Variants in TAB2 observed in about 807,000 individuals in gnomAD.
TAB2 encodes the protein TGF-beta-activated kinase 1 and MAP3K7-binding protein 2.
In TAB2, 3 loss-of-function variants were observed where a neutral mutation model predicts 65.0. The observed-to-expected ratio is 0.05, with a 90% confidence interval of 0.02 to 0.12. The LOEUF is 0.12. Ranked by LOEUF, TAB2 falls within the 10% of genes least tolerant of loss-of-function variation. The probability of loss-of-function intolerance (pLI) is 1.00; values close to 1 mark genes in which losing one functional copy is unlikely to be tolerated. For missense variants in TAB2, 623 were observed against 840.3 expected, an observed-to-expected ratio of 0.74 and a Z score of 3.20; for synonymous variants, 298 against 285.1, an observed-to-expected ratio of 1.05 and a Z score of -0.46.
chr6:149,363,346 G>C (rs1170018246), intron 1 of TAB2, among the ~76,000 whole-genome samples: 1 of 152,094 alleles, frequency 6.6e-6, no homozygotes, highest in Admixed American at 6.5e-5. Flanking sequence ...ACAATAGGTA[G>C]GAATGTGGAG....
intron 1 of TAB2, among the ~76,000 whole-genome samples, chr6:149,334,011 C>A (rs140553935): frequency 6.6e-6 from 1 of 152,224 alleles, no homozygotes; most frequent in Non-Finnish European, 1.5e-5. Context: ...TGAGTTTATG[C>A]ATTATAAGTC....
At chr6:149,340,418 C>G (rs990706032) in intron 1 of TAB2, among the ~76,000 whole-genome samples, 3 of 152,244 alleles carry the variant, frequency 2.0e-5, no homozygotes, top group East Asian at 3.9e-4. Flanking sequence ...GCTACAGATA[C>G]ATTTCTGGTT....
chr6:149,385,983 G>A (rs1781795107), intron 3 of TAB2, among the ~76,000 whole-genome samples: 1 of 152,126 alleles, frequency 6.6e-6, no homozygotes, highest in South Asian at 2.1e-4. Context: ...TCTATTAGCA[G>A]TTACTTATCC....
intron 1 of TAB2, among the ~76,000 whole-genome samples, chr6:149,235,353 G>T (rs1583036941): frequency 6.6e-6 from 1 of 152,216 alleles, no homozygotes; most frequent in East Asian, 1.9e-4. Flanking sequence ...AAGGAAATGG[G>T]GATATTCTGT....
At chr6:149,256,751 A>G (rs767644520) in intron 1 of TAB2, among the ~76,000 whole-genome samples, 2 of 152,184 alleles carry the variant, frequency 1.3e-5, no homozygotes, top group Non-Finnish European at 2.9e-5. Context: ...GATCTTAATA[A>G]GGAACAGACT....
At position 149,254,006 on chromosome 6, in the gene TAB2, G is replaced by GAAAGAA. The variant is rs1554254268; in HGVS notation, c.-121+35232_-121+35237dup. Among the ~76,000 whole-genome samples the GAAAGAA allele has an allele frequency of 6.3e-4, 87 of 139,122 alleles. 1 individual carries two copies. Among genetic ancestry groups the GAAAGAA allele is most frequent in the African/African-American group, 2.1e-3 (77 of 37,450 alleles). The allele number at this position is 139,122 out of a possible 152,430, so 91.3% of individuals were successfully genotyped here. A position where few individuals can be genotyped will look rare whatever the true frequency, so the allele number is the denominator to read the frequency against. Reference sequence around the variant, plus strand: ...AGAAAGAAAGAAAGAAAGAAAGAAAGAAAGAAAGAAAGAAAGAAAAGAAAG... The same window carrying GAAAGAA: ...AGAAAGAAAGAAAGAAAGAAAGAAAGAAAGAAAAAGAAAGAAAGAAAGAAAAGAAAG... On this transcript the variant is annotated intron_variant, in intron 1 of 1. Transcript: ENST00000606202.
intron 1 of TAB2, among the ~76,000 whole-genome samples, chr6:149,365,334 A>G (rs1325938287): frequency 6.6e-6 from 1 of 152,198 alleles, no homozygotes; most frequent in Non-Finnish European, 1.5e-5. Flanking sequence ...CAAATGACTT[A>G]CTGCTCCACA....
intron 1 of TAB2, among the ~76,000 whole-genome samples, chr6:149,265,969 C>T (rs1474223319): frequency 1.3e-5 from 2 of 152,220 alleles, no homozygotes; most frequent in Non-Finnish European, 2.9e-5. Flanking sequence ...CCATGCCTTT[C>T]CCCTCAGAGG....
chr6:149,303,029 A>T (rs190587318), intron 1 of TAB2, among the ~76,000 whole-genome samples: 6 of 152,188 alleles, frequency 3.9e-5, no homozygotes, highest in Admixed American at 2.0e-4. Flanking sequence ...CATGCAGGGG[A>T]TCTAGGTTGT....
At chr6:149,336,548 T>C (rs1037159267) in intron 1 of TAB2, among the ~76,000 whole-genome samples, 7 of 152,112 alleles carry the variant, frequency 4.6e-5, no homozygotes, top group African/African-American at 1.7e-4. Context: ...AAGTAGACTG[T>C]AAGAGAATAA....
chr6:149,366,867 G>A (rs755975154), intron 1 of TAB2, among the ~76,000 whole-genome samples: 21 of 151,960 alleles, frequency 1.4e-4, no homozygotes, highest in Admixed American at 6.6e-5. Flanking sequence ...AATGAAATAC[G>A]TTGAAATTTG....
chr6:149,389,051 G>A, intron 3 of TAB2, among the ~76,000 whole-genome samples: 1 of 150,500 alleles, frequency 6.6e-6, no homozygotes. Context: ...TGCCTCCCAG[G>A]TTCAAGCAAT....
At chr6:149,357,502 ACT>A (rs71722087) in intron 1 of TAB2, among the ~76,000 whole-genome samples, 34,197 of 148,676 alleles carry the variant, frequency 0.23, 4,188 homozygotes, top group Non-Finnish European at 0.26. Context: ...AATAGTAAAG[ACT>A]CTTTATCAAT....
chr6:149,226,492 C>T (rs1031009858), intron 1 of TAB2, among the ~76,000 whole-genome samples: 7 of 152,246 alleles, frequency 4.6e-5, no homozygotes, highest in Admixed American at 1.3e-4. Context: ...CTCACACACC[C>T]TGATGTGCTT....
chr6:149,349,419 C>CAAA (rs369838005), intron 1 of TAB2, among the ~76,000 whole-genome samples: 8 of 81,906 alleles, frequency 9.8e-5, no homozygotes, highest in African/African-American at 1.5e-4. Flanking sequence ...CACTCCGTCT[C>CAAA]AAAAAAAAAA....
At chr6:149,400,631 T>A in intron 6 of TAB2, 1 of 1,614,188 alleles carries the variant, frequency 6.2e-7, no homozygotes. Flanking sequence ...AAATGGAAGA[T>A]GAAGATACAA....
At chr6:149,307,679 T>G (rs1249513591) in intron 1 of TAB2, among the ~76,000 whole-genome samples, 1 of 152,166 alleles carries the variant, frequency 6.6e-6, no homozygotes, top group Non-Finnish European at 1.5e-5. Context: ...GTCCGAATAA[T>G]AAAAATTTCA....
chr6:149,339,601 A>ATTT (rs199531336), intron 1 of TAB2, among the ~76,000 whole-genome samples: 4 of 25,454 alleles, frequency 1.6e-4, no homozygotes, highest in African/African-American at 3.3e-4. Context: ...TTATTTATTT[A>ATTT]TTTATTTTTT....
chr6:149,366,364 A>G (rs1050276569), intron 1 of TAB2, among the ~76,000 whole-genome samples: 12 of 152,114 alleles, frequency 7.9e-5, no homozygotes, highest in Non-Finnish European at 1.5e-4. Flanking sequence ...TTTGGAGATC[A>G]AAGATAAATA....
Sources: allele counts gnomAD v4.1 joint callset (sites outside exome capture counted in the v4.1 genomes callset), GRCh38; gene constraint gnomAD v4.1.1; transcripts MANE v1.5; gene names NCBI Gene and HGNC (gene_info 2026-07-23, HGNC 2026-07-21).